The following COPB1 variants were observed in gnomAD, a reference collection of about 807,000 sequenced individuals.
The protein encoded by COPB1 is coatomer subunit beta.
In COPB1, 21 loss-of-function variants were observed where a neutral mutation model predicts 108.7. The ratio of observed to expected loss-of-function variants is 0.19; its 90% CI spans 0.14 to 0.28. The LOEUF is 0.28. Among genes scored for constraint, COPB1 ranks in the 10% least tolerant of loss-of-function variants. COPB1 has a pLI of 1.00. For synonymous variants in COPB1, 378 were observed against 386.8 expected (o/e 0.98, Z 0.27); for missense variants, 919 against 1,141.3 (o/e 0.81, Z 2.81).
intron 13 of COPB1, among the ~76,000 whole-genome samples, chr11:14,475,457 A>G (rs1014557818): frequency 6.6e-6 from 1 of 152,226 alleles, no homozygotes; most frequent in African/African-American, 2.4e-5. Flanking sequence ...AGAAATTGAA[A>G]AATCTTCAAA....
chr11:14,470,718 A>G (rs1171242419), intron 14 of COPB1, among the ~76,000 whole-genome samples: 1 of 151,576 alleles, frequency 6.6e-6, no homozygotes, highest in Non-Finnish European at 1.5e-5. Flanking sequence ...GAGGGGACAG[A>G]AAAAAAAATC....
intron 6 of COPB1, 127 bp downstream of exon 6, chr11:14,488,365 G>T: frequency 2.2e-6 from 1 of 447,468 alleles, no homozygotes; most frequent in Non-Finnish European, 3.8e-6. Flanking sequence ...GCTTTAATAG[G>T]CTATGCTATA....
Position 14,469,262 on chromosome 11 carries a change from G to T in COPB1, c.1965+74C>A, listed in dbSNP as rs1850353438. The stretch of plus-strand genomic sequence containing the variant: ...TCCTCCTGCCTCAGCCTCCCAAAGT[G>T]CTGGGATTACAGGCGTGAGCCACTG... On this transcript the variant is annotated intron_variant, in intron 15 of 21. Transcript: ENST00000439561. 4.8e-6 allele frequency: 6 copies of T among 1,244,270 alleles called. No homozygotes were observed. The Admixed American group carries it at 1.0e-4, about 21-fold the overall frequency. The allele number at this position is 1,244,270 out of a possible 1,614,324, so 77.1% of individuals were successfully genotyped here.
In COPB1 at chr11:14,486,514, A is replaced by C. The variant is rs376735044; in HGVS notation, c.700-10T>G. 5.3e-5 allele frequency: 85 copies of C among 1,612,114 alleles called. No homozygotes were observed. The highest frequency in any genetic ancestry group is 7.0e-5 in the Non-Finnish European group (82 of 1,179,374). ...GATTAGCATGACAGACCTGGAGAAG[A>C]AAACATTAACATTTCAACCGATTTC... On this transcript the variant is annotated splice_polypyrimidine_tract_variant and intron_variant, in intron 6 of 21. Transcript: ENST00000439561.
chr11:14,478,794 A>G (rs1319284914), intron 11 of COPB1: 1 of 151,982 alleles, frequency 6.6e-6, no homozygotes, highest in Non-Finnish European at 1.5e-5. Context: ...TAAAGTCCTT[A>G]GTCATCTTTC....
At chr11:14,492,051 T>C (rs1248672351) in intron 4 of COPB1, among the ~76,000 whole-genome samples, 1 of 152,216 alleles carries the variant, frequency 6.6e-6, no homozygotes, top group Non-Finnish European at 1.5e-5. Flanking sequence ...TTGCCAAATT[T>C]ACCTCTTGCC....
intron 6 of COPB1, 123 bp downstream of exon 6, chr11:14,488,369 T>C (rs1476998353): frequency 6.5e-6 from 3 of 461,558 alleles, no homozygotes; most frequent in Non-Finnish European, 1.1e-5. Flanking sequence ...TAATAGGCTA[T>C]GCTATAAAAT....
At chr11:14,491,461 G>C (rs1473184143) in intron 4 of COPB1, among the ~76,000 whole-genome samples, 2 of 152,254 alleles carry the variant, frequency 1.3e-5, no homozygotes, top group Non-Finnish European at 2.9e-5. Flanking sequence ...CCTGAGGGTG[G>C]GAGTTTGAGA....
At chr11:14,464,828 T>A (rs1172460503) in intron 18 of COPB1, 83 bp downstream of exon 18, 2 of 1,430,342 alleles carry the variant, frequency 1.4e-6, no homozygotes, top group Non-Finnish European at 1.9e-6. Context: ...GATCCTCTCC[T>A]CATACAATGT....
chr11:14,495,814 C>T (rs1427646410), intron 2 of COPB1, among the ~76,000 whole-genome samples: 1 of 152,156 alleles, frequency 6.6e-6, no homozygotes, highest in Non-Finnish European at 1.5e-5. Flanking sequence ...CTAGCTATAA[C>T]CTTAGGTATC....
intron 11 of COPB1, chr11:14,479,044 T>C (rs1425860738): frequency 6.8e-6 from 1 of 146,086 alleles, no homozygotes; most frequent in Non-Finnish European, 1.5e-5. Context: ...CTCACTTCCA[T>C]AAATATTAAT....
intron 20 of COPB1, 169 bp downstream of exon 20, chr11:14,460,039 C>A: frequency 1.9e-6 from 1 of 535,338 alleles, no homozygotes; most frequent in South Asian, 2.7e-5. Flanking sequence ...TGGTATAGTC[C>A]AATAGAAAGA....
chr11:14,458,461 A>C lies in COPB1; in HGVS notation c.2802+71T>G, dbSNP rs1589949220. The C allele has an allele frequency of 7.7e-6, 11 of 1,432,760 alleles. 1 individual carries two copies. Among genetic ancestry groups the C allele is most frequent in the South Asian group, 7.1e-5 (5 of 69,954 alleles). The allele number at this position is 1,432,760 out of a possible 1,614,324, so 88.8% of individuals were successfully genotyped here. On this transcript the variant is annotated intron_variant, in intron 21 of 21. Transcript: ENST00000439561. ...ATGCTAAAAAGATACTACATATAGA[A>C]ATAATAAAGTCATAAATTCCTCCCC... is the stretch of plus-strand genomic sequence containing the variant.
intron 14 of COPB1, among the ~76,000 whole-genome samples, chr11:14,472,461 T>C (rs896343330): frequency 2.6e-5 from 4 of 152,306 alleles, no homozygotes; most frequent in African/African-American, 4.8e-5. Flanking sequence ...TTAAGAGCCC[T>C]AGGATTTTCA....
rs764638441 is a variant in COPB1, at chr11:14,474,597, G to A, written c.1635C>T (p.Phe545=). Residue 545 remains phenylalanine (F), a synonymous_variant, in exon 14 of 22, where the codon TTC becomes TTT. Transcript: ENST00000439561. ...CAACAAAGAAATCTCCATCCAGAAGGAATCCTCTCAAGGGAGGTCTGCAAA... is the reference window on the plus strand; with the variant it reads ...CAACAAAGAAATCTCCATCCAGAAGAAATCCTCTCAAGGGAGGTCTGCAAA... The part of the protein sequence containing the change: ...KEEDRPPLRG[F]LLDGDFFVAA... 3 of 1,613,646 alleles carry A rather than the reference G, an allele frequency of 1.9e-6. No homozygotes were observed. In the African/African-American group the frequency reaches 4.0e-5, roughly 22 times the overall value.
rs541688592 is a variant in COPB1, at chr11:14,470,970, G to C, written c.1738-1407C>G. ...CTCTCTCTCTCTCTACACCCAGGGA[G>C]ATAAGAATGACAGTAGACTTCTCAC... On this transcript the variant is annotated intron_variant, in intron 14 of 21. Coordinates refer to ENST00000439561, the MANE Select transcript of COPB1 (RefSeq NM_001144061.2). 2.1e-4 allele frequency among the ~76,000 whole-genome samples: 31 copies of C among 148,862 alleles called. No homozygotes were observed. The South Asian group carries it at 6.5e-3, about 31-fold the overall frequency.
At chr11:14,461,150 G>A (rs773149555) in intron 19 of COPB1, 36 bp downstream of exon 19, 1 of 1,613,418 alleles carries the variant, frequency 6.2e-7, no homozygotes, top group Non-Finnish European at 8.5e-7. Context: ...AAGGAAGAAA[G>A]ATAAAGGAAT....
At chr11:14,479,500 T>C (rs774282512) in intron 11 of COPB1, 69 bp downstream of exon 11, 25 of 1,447,784 alleles carry the variant, frequency 1.7e-5, no homozygotes, top group Non-Finnish European at 2.3e-5. Flanking sequence ...TTCTATCAAC[T>C]GACCCTTTAA....
At chr11:14,479,404 T>G (rs1033110236) in intron 11 of COPB1, among the ~76,000 whole-genome samples, 165 bp downstream of exon 11, 2 of 152,218 alleles carry the variant, frequency 1.3e-5, no homozygotes, top group Non-Finnish European at 2.9e-5. Flanking sequence ...GGGCCATTTA[T>G]TATAGACTAA....
Sources: allele counts gnomAD v4.1 joint callset (sites outside exome capture counted in the v4.1 genomes callset), GRCh38; gene constraint gnomAD v4.1.1; transcripts MANE v1.5; gene names NCBI Gene and HGNC (gene_info 2026-07-23, HGNC 2026-07-21).